ARMCX4: variants seen among roughly 807,000 people sequenced by gnomAD.
The protein encoded by ARMCX4 is armadillo repeat-containing X-linked protein 4.
Under a neutral mutation model 34.7 loss-of-function variants are expected in ARMCX4, and 3 were observed. The observed-to-expected ratio is 0.09, with a 90% CI of 0.04 to 0.22. ARMCX4 has a LOEUF of 0.22. Ranked by LOEUF, ARMCX4 falls within the 10% of genes least tolerant of loss-of-function variation. ARMCX4 has a pLI of 1.00. For missense variants in ARMCX4, 1,448 were observed against 1,720.8 expected, an observed-to-expected ratio of 0.84 and a Z score of 2.81; for synonymous variants, 513 against 632.8, an observed-to-expected ratio of 0.81 and a Z score of 2.84.
intron 4 of ARMCX4, among the ~76,000 whole-genome samples, chrX:101,475,588 T>G (rs1451994078): frequency 1.8e-5 from 2 of 111,812 alleles, no homozygotes; most frequent in Non-Finnish European, 3.8e-5. Flanking sequence ...TGTATTCACT[T>G]AAAAAGAGAC....
chrX:101,502,007 C>T (rs1465872098), intron 7 of ARMCX4, among the ~76,000 whole-genome samples: 1 of 112,288 alleles, frequency 8.9e-6, no homozygotes, highest in Non-Finnish European at 1.9e-5. Context: ...ATGGGAAGCC[C>T]CTATGGGGAA....
chrX:101,475,184 G>T (rs1203213157), intron 4 of ARMCX4, among the ~76,000 whole-genome samples: 2 of 109,876 alleles, frequency 1.8e-5, no homozygotes, highest in African/African-American at 6.6e-5. Context: ...GTGTGGTGGT[G>T]CATGCCTGTA....
intron 2 of ARMCX4, among the ~76,000 whole-genome samples, chrX:101,425,570 T>G (rs1555990834): frequency 9.1e-6 from 1 of 109,869 alleles, no homozygotes; most frequent in African/African-American, 3.3e-5. Flanking sequence ...ATTTTTTGTA[T>G]TTTTAGTAGA....
intron 4 of ARMCX4, among the ~76,000 whole-genome samples, chrX:101,455,658 C>T (rs1199984819): frequency 9.0e-6 from 1 of 111,613 alleles, no homozygotes; most frequent in Non-Finnish European, 1.9e-5. Flanking sequence ...TATATGAATA[C>T]TTTTTTTCTC....
At chrX:101,448,570 T>A (rs1428663570), downstream of ARMCX4, among the ~76,000 whole-genome samples, 1 of 111,592 alleles carries the variant, frequency 9.0e-6, no homozygotes, top group Non-Finnish European at 1.9e-5. Flanking sequence ...AGATGGTATC[T>A]CATTGTAGGT....
At chrX:101,453,710 A>T (rs781844219) in intron 4 of ARMCX4, among the ~76,000 whole-genome samples, 121 of 110,201 alleles carry the variant, frequency 1.1e-3, no homozygotes, top group African/African-American at 3.8e-3. Flanking sequence ...TTGTGGTACC[A>T]CTTCTATCTC....
At position 101,491,004 on chromosome X, in the gene ARMCX4, G is replaced by T. The variant is rs1036424436; in HGVS notation, c.2415G>T (p.Lys805Asn). 2.6e-6 allele frequency: 3 copies of T among 1,153,352 alleles called. No individual in the cohort carries two copies. The highest frequency in any genetic ancestry group is 3.4e-6 in the Non-Finnish European group (3 of 872,503). The part of the protein sequence containing the change: ...NSHCETLPGA[K>N]NKVRGNWNAV... ...ATTGTGAGACCTTGCCTGGTGCCAAGAATAAGGTCAGGGGAAATTGGAATG... is the reference window on the plus strand; with the variant it reads ...ATTGTGAGACCTTGCCTGGTGCCAATAATAAGGTCAGGGGAAATTGGAATG... Residue 805 changes from lysine to asparagine, a missense_variant, in exon 6 of 6, where the codon AAG becomes AAT. Transcript: ENST00000423738.
chrX:101,510,457 G>A (rs1401901071), intron 10 of ARMCX4, among the ~76,000 whole-genome samples: 1 of 112,070 alleles, frequency 8.9e-6, no homozygotes, highest in Non-Finnish European at 1.9e-5. Context: ...CAGGGTCGGG[G>A]AGTGATAGTC....
At chrX:101,449,487 T>C (rs1269207330), downstream of ARMCX4, among the ~76,000 whole-genome samples, 2 of 112,245 alleles carry the variant, frequency 1.8e-5, no homozygotes, top group African/African-American at 6.5e-5. Context: ...CATTCTGCTA[T>C]TAAGGGACTC....
At chrX:101,444,044 C>A (rs1931480195) in intron 2 of ARMCX4, 3 of 361,821 alleles carry the variant, frequency 8.3e-6, no homozygotes, top group Admixed American at 5.7e-5. Flanking sequence ...TAAATTATTT[C>A]TCTCCAGTGC....
At chrX:101,461,240 TC>T (rs781812337) in intron 4 of ARMCX4, among the ~76,000 whole-genome samples, 17 of 111,795 alleles carry the variant, frequency 1.5e-4, no homozygotes, top group Non-Finnish European at 3.0e-4. Context: ...ATTCTCTTTT[TC>T]CTTAGACTCT....
chrX:101,492,489 T>G lies in ARMCX4; in HGVS notation c.3900T>G (p.Gly1300=). The G allele has an allele frequency of 8.7e-7, 1 of 1,152,038 alleles. No homozygotes were observed. The highest frequency in any genetic ancestry group is 1.1e-6 in the Non-Finnish European group (1 of 871,299). 94.9% of individuals were successfully genotyped at this position (1,152,038 alleles called of 1,213,427 possible). Residue 1300 remains glycine (G), a synonymous_variant, in exon 6 of 6, where the codon GGT becomes GGG. Transcript: ENST00000423738. Reference sequence around the variant, plus strand: ...GGGCTGGGGTTGTGGATCAGGCCGGTGGAGGGTCCTGGGCTGGGACTAGTG... The same window carrying G: ...GGGCTGGGGTTGTGGATCAGGCCGGGGGAGGGTCCTGGGCTGGGACTAGTG... ...SYWAGVVDQA[G]GGSWAGTSDQ... is the part of the protein sequence containing the mutation.
chrX:101,488,493 C>A lies in ARMCX4; in HGVS notation c.-97C>A. 8.8e-7 allele frequency: 1 copy of A among 1,138,572 alleles called. No individual in the cohort carries two copies. The highest frequency in any genetic ancestry group is 1.2e-6 in the Non-Finnish European group (1 of 862,070). 93.8% of individuals were successfully genotyped at this position (1,138,572 alleles called of 1,213,427 possible). A position where few individuals can be genotyped will look rare whatever the true frequency, so the allele number is the denominator to read the frequency against. ...TGGCCTTTGAGTGGCTGAAGACCAG[C>A]ACCCTCACAGGCCTACACCCACAAC... On this transcript the variant is annotated 5_prime_UTR_variant, in exon 6 of 6. Coordinates refer to ENST00000423738, the MANE Select transcript of ARMCX4 (RefSeq NM_001256155.3).
intron 11 of ARMCX4, among the ~76,000 whole-genome samples, chrX:101,527,693 C>T (rs1285044384): frequency 8.9e-6 from 1 of 111,741 alleles, no homozygotes; most frequent in African/African-American, 3.3e-5. Flanking sequence ...TCAGAGAATA[C>T]TATAAACACC....
downstream of ARMCX4, among the ~76,000 whole-genome samples, chrX:101,446,381 G>C (rs1397000815): frequency 2.7e-5 from 3 of 110,914 alleles, no homozygotes; most frequent in Non-Finnish European, 5.7e-5. Context: ...GGATAGACAT[G>C]TGGTATGTAC....
upstream of ARMCX4, among the ~76,000 whole-genome samples, chrX:101,481,792 A>C (rs986894492): frequency 1.8e-5 from 2 of 111,970 alleles, no homozygotes; most frequent in Non-Finnish European, 3.8e-5. Context: ...CAGACTGTTC[A>C]TTGTAACCTT....
chrX:101,530,695 A>G (rs1278103668), intron 11 of ARMCX4, among the ~76,000 whole-genome samples: 1 of 111,348 alleles, frequency 9.0e-6, no homozygotes, highest in Non-Finnish European at 1.9e-5. Context: ...TCCAGCAAAA[A>G]TATCCTTCAA....
At chrX:101,449,290 A>G (rs895108777), downstream of ARMCX4, among the ~76,000 whole-genome samples, 4 of 112,278 alleles carry the variant, frequency 3.6e-5, no homozygotes, top group African/African-American at 9.7e-5. Context: ...CCCTTTGAAT[A>G]AACTTTCTAC....
chrX:101,489,898 A>G lies in ARMCX4; in HGVS notation c.1309A>G (p.Arg437Gly). The G allele has an allele frequency of 1.7e-6, 2 of 1,156,218 alleles. No homozygotes were observed. Among genetic ancestry groups the G allele is most frequent in the Non-Finnish European group, 2.3e-6 (2 of 873,033 alleles). Reference protein sequence around the residue: ...MTKAGAKANLRANSQVEALPD... With the variant: ...MTKAGAKANLGANSQVEALPD... The stretch of plus-strand genomic sequence containing the variant: ...TAAAGCAGGGGCCAAGGCAAACTTG[A>G]GGGCCAATTCCCAGGTTGAGGCCTT... Residue 437 changes from arginine (R) to glycine (G), a missense_variant, in exon 6 of 6, where the codon AGG becomes GGG. This residue lies in a region of ARMCX4 where 1,343 missense variants were observed against 1,540.7 expected (regional missense o/e 0.87). Transcript: ENST00000423738.
Sources: allele counts gnomAD v4.1 joint callset (sites outside exome capture counted in the v4.1 genomes callset), GRCh38; gene constraint gnomAD v4.1.1; regional missense constraint gnomAD v4.1.1; transcripts MANE v1.5; gene names NCBI Gene and HGNC (gene_info 2026-07-23, HGNC 2026-07-21).